The following ARHGAP40 variants were observed in gnomAD, a reference collection of about 807,000 sequenced individuals.
ARHGAP40 encodes Rho GTPase activating protein 40, also known as rho GTPase-activating protein 40.
In ARHGAP40, 43 loss-of-function variants were observed where a neutral mutation model predicts 73.5. The observed-to-expected ratio is 0.58, with a 90% CI of 0.46 to 0.75. The LOEUF (loss-of-function observed/expected upper bound fraction) is 0.75, where lower values mean the gene tolerates loss of function less well. Among genes scored for constraint, ARHGAP40 ranks in the 30% least tolerant of loss-of-function variants. The pLI, the probability that ARHGAP40 is intolerant of heterozygous loss-of-function variation, is 0.00. For synonymous variants in ARHGAP40, 300 were observed against 352.8 expected (o/e 0.85, Z 1.68); for missense variants, 734 against 861.8 (o/e 0.85, Z 1.86).
intron 5 of ARHGAP40, 106 bp from the exon 6 acceptor site, chr20:38,634,514 G>T: frequency 9.8e-7 from 1 of 1,021,366 alleles, no homozygotes. Flanking sequence ...TCTTATCCAC[G>T]CTGCTCTTCC....
At chr20:38,629,402 CACTTCTTAGG>C (rs2088923057) in intron 4 of ARHGAP40, 90 bp from the exon 5 acceptor site, 1 of 1,182,038 alleles carries the variant, frequency 8.5e-7, no homozygotes, top group African/African-American at 1.6e-5. Context: ...CTTGGGAGCT[CACTTCTTAGG>C]ACTAAGGGCC....
intron 1 of ARHGAP40, among the ~76,000 whole-genome samples, chr20:38,605,046 C>A (rs1246630943): frequency 6.6e-6 from 1 of 152,120 alleles, no homozygotes; most frequent in Non-Finnish European, 1.5e-5. Context: ...TCAGCTCCCC[C>A]AATCCTTTGA....
Position 38,641,469 on chromosome 20 carries a change from C to T in ARHGAP40, c.1280-257C>T, listed in dbSNP as rs567175701. ...AGCCTGGACTGCATCTAGGTCTGTG[C>T]GGCATGTGCTTGCCTGCACATGCAT... On this transcript the variant is annotated intron_variant, in intron 9 of 14. Transcript: ENST00000373345. Among the ~76,000 whole-genome samples, 66 of 152,292 alleles carry T rather than the reference C, an allele frequency of 4.3e-4. No individual in the cohort carries two copies. The Middle Eastern group carries it at 0.01, about 24-fold the overall frequency.
At chr20:38,602,730 T>C (rs2088742647) in intron 1 of ARHGAP40, among the ~76,000 whole-genome samples, 1 of 152,234 alleles carries the variant, frequency 6.6e-6, no homozygotes, top group Admixed American at 6.5e-5. Flanking sequence ...CCTAAACTTG[T>C]ATAGTTTTAC....
At chr20:38,643,663 G>A (rs1266896546) in intron 10 of ARHGAP40, 41 bp from the exon 11 acceptor site, 1 of 1,296,546 alleles carries the variant, frequency 7.7e-7, no homozygotes, top group African/African-American at 1.5e-5. Flanking sequence ...AGGCGCCAGG[G>A]ATGGGCTGAG....
intron 1 of ARHGAP40, among the ~76,000 whole-genome samples, chr20:38,608,615 C>G (rs1435263695): frequency 6.6e-6 from 1 of 152,184 alleles, no homozygotes; most frequent in East Asian, 1.9e-4. Flanking sequence ...TAGGCCCAGA[C>G]AGTGTGACTT....
In ARHGAP40 at chr20:38,637,867, A is replaced by AG. The variant is rs1350977424; in HGVS notation, c.1041+70dup. 7.5e-6 allele frequency: 9 copies of AG among 1,200,620 alleles called. No homozygotes were observed. In the Admixed American group the frequency reaches 2.2e-4, roughly 30 times the overall value. 74.4% of individuals were successfully genotyped at this position (1,200,620 alleles called of 1,614,324 possible). A position where few individuals can be genotyped will look rare whatever the true frequency, so the allele number is the denominator to read the frequency against. ...GAGGCTGGCTCAGGGGACCATTGTCAGGAGACATCCAGCAAAGGGGTGAAA... is the reference window on the plus strand; with the variant it reads ...GAGGCTGGCTCAGGGGACCATTGTCAGGGAGACATCCAGCAAAGGGGTGAAA... On this transcript the variant is annotated intron_variant, in intron 7 of 14. Coordinates refer to ENST00000373345, the Ensembl canonical transcript of ARHGAP40.
exon 15 of ARHGAP40, chr20:38,649,856 G>A (rs41282836): frequency 1.9e-5 from 25 of 1,304,388 alleles, no homozygotes; most frequent in Admixed American, 9.2e-5. Flanking sequence ...TAAACCCTGC[G>A]AGTCTCAGGA....
chr20:38,631,250 G>T (rs904285591), intron 5 of ARHGAP40, among the ~76,000 whole-genome samples: 3 of 148,416 alleles, frequency 2.0e-5, no homozygotes, highest in African/African-American at 7.5e-5. Context: ...GGTTGAAGCT[G>T]CAGTGAGCTA....
At chr20:38,626,902 G>A in intron 2 of ARHGAP40, 93 bp from the exon 3 acceptor site, 1 of 999,098 alleles carries the variant, frequency 1.0e-6, no homozygotes, top group South Asian at 1.5e-5. Flanking sequence ...CCTGTGTCCA[G>A]GTGAGTGTGT....
intron 6 of ARHGAP40, among the ~76,000 whole-genome samples, chr20:38,635,171 C>T (rs758477417): frequency 1.3e-5 from 2 of 152,064 alleles, no homozygotes; most frequent in South Asian, 2.1e-4. Flanking sequence ...TGAGCCACCA[C>T]GCCTGGCCAG....
intron 1 of ARHGAP40, among the ~76,000 whole-genome samples, chr20:38,604,558 G>C (rs969593197): frequency 1.2e-4 from 19 of 152,008 alleles, no homozygotes; most frequent in Admixed American, 9.8e-4. Context: ...ACCACGCCTG[G>C]CTAATTTTTG....
In ARHGAP40 at chr20:38,646,192, G is replaced by C; in HGVS notation, c.1710+5G>C. 1 of 1,299,512 alleles carries C rather than the reference G, an allele frequency of 7.7e-7. No homozygotes were observed. The highest frequency in any genetic ancestry group is 1.2e-5 in the South Asian group (1 of 80,752). 80.5% of individuals were successfully genotyped at this position (1,299,512 alleles called of 1,614,324 possible). On this transcript the variant is annotated splice_donor_5th_base_variant and intron_variant, in intron 12 of 14. Transcript: ENST00000373345. The surrounding 1 kb of genome is among the most constrained non-coding windows in gnomAD (Gnocchi z 4.5). ...GCGGGGGACGGCCTCGAGGCGGTGAGTGCCCCCGACCCCAGACAGGTGGAG... is the reference window on the plus strand; with the variant it reads ...GCGGGGGACGGCCTCGAGGCGGTGACTGCCCCCGACCCCAGACAGGTGGAG...
intron 5 of ARHGAP40, among the ~76,000 whole-genome samples, chr20:38,631,171 G>A (rs2088935592): frequency 6.6e-6 from 1 of 152,080 alleles, no homozygotes; most frequent in South Asian, 2.1e-4. Flanking sequence ...AAATAGCCAG[G>A]TGTGATGGTG....
At position 38,646,144 on chromosome 20, in the gene ARHGAP40, G is replaced by A. The variant is rs1335696096; in HGVS notation, c.1667G>A (p.Arg556Lys). 2 of 1,304,102 alleles carry A rather than the reference G, an allele frequency of 1.5e-6. No individual in the cohort carries two copies. Among genetic ancestry groups the A allele is most frequent in the South Asian group, 2.5e-5 (2 of 81,030 alleles). The allele number at this position is 1,304,102 out of a possible 1,614,324, so 80.8% of individuals were successfully genotyped here. ...GCAGGCCTCAAGACTTGGCTGCGGA[G>A]GATGCACGCAGACAGGGACAAGGCG... Residue 556 changes from arginine to lysine, a missense_variant, in exon 12 of 15, where the codon AGG becomes AAG. By Grantham distance (26) the Arg-to-Lys change is conservative. Transcript: ENST00000373345. The surrounding 1 kb of genome is among the most constrained non-coding windows in gnomAD (Gnocchi z 4.5).
intron 4 of ARHGAP40, 72 bp from the exon 5 acceptor site, chr20:38,629,430 C>G (rs1302358070): frequency 1.6e-6 from 2 of 1,288,008 alleles, no homozygotes; most frequent in Non-Finnish European, 2.0e-6. Context: ...GCCTAAGTCC[C>G]GAACCCAAGC....
chr20:38,610,904 T>C (rs2088800902), intron 1 of ARHGAP40, among the ~76,000 whole-genome samples: 1 of 150,428 alleles, frequency 6.6e-6, no homozygotes, highest in Non-Finnish European at 1.5e-5. Flanking sequence ...TCTTTTTTTT[T>C]TTTTTGACAG....
At chr20:38,602,044 G>A (rs1160168133) in exon 1 of ARHGAP40, 15 of 1,287,194 alleles carry the variant, frequency 1.2e-5, no homozygotes. Context: ...GCATTGCCAG[G>A]CGCTGCGCCC....
At chr20:38,632,401 A>G (rs939406046) in intron 5 of ARHGAP40, among the ~76,000 whole-genome samples, 2 of 151,922 alleles carry the variant, frequency 1.3e-5, no homozygotes, top group African/African-American at 4.8e-5. Context: ...AGCTGGGACT[A>G]CAGGCGCCCG....
Sources: allele counts gnomAD v4.1 joint callset (sites outside exome capture counted in the v4.1 genomes callset), GRCh38; gene constraint gnomAD v4.1.1; non-coding constraint Gnocchi (gnomAD v3.1); transcripts MANE v1.5; gene names NCBI Gene and HGNC (gene_info 2026-07-23, HGNC 2026-07-21).